ARHGAP21: variants seen among roughly 807,000 people sequenced by gnomAD.
ARHGAP21 encodes rho GTPase-activating protein 21.
In ARHGAP21, 38 loss-of-function variants were observed where a neutral mutation model predicts 164.6. That is an observed-to-expected ratio of 0.23 (90% confidence interval 0.18 to 0.30). ARHGAP21 has a LOEUF of 0.30. Among genes scored for constraint, ARHGAP21 ranks in the 10% least tolerant of loss-of-function variants. The pLI, the probability that ARHGAP21 is intolerant of heterozygous loss-of-function variation, is 1.00. For synonymous variants in ARHGAP21, 766 were observed against 857.9 expected (o/e 0.89, Z 1.87); for missense variants, 1,822 against 2,370.7 (o/e 0.77, Z 4.81).
intron 4 of ARHGAP21, among the ~76,000 whole-genome samples, chr10:24,662,978 T>TTC (rs397755820): frequency 6.6e-6 from 1 of 151,278 alleles, no homozygotes; most frequent in Non-Finnish European, 1.5e-5. Flanking sequence ...TTTTTTTTTT[T>TTC]CAGTAAAAAT....
chr10:24,709,426 G>A (rs1844554296), intron 2 of ARHGAP21, among the ~76,000 whole-genome samples: 1 of 152,126 alleles, frequency 6.6e-6, no homozygotes, highest in Admixed American at 6.6e-5. Context: ...TATGAGGCCA[G>A]TATCACCCTG....
intron 14 of ARHGAP21, among the ~76,000 whole-genome samples, chr10:24,600,376 A>C (rs868509553): frequency 5.9e-5 from 9 of 152,266 alleles, no homozygotes; most frequent in Middle Eastern, 6.8e-3. Flanking sequence ...TTGGTCACAA[A>C]CAACCAGGAC....
At chr10:24,674,460 G>A (rs1241242280) in intron 2 of ARHGAP21, among the ~76,000 whole-genome samples, 1 of 152,188 alleles carries the variant, frequency 6.6e-6, no homozygotes, top group African/African-American at 2.4e-5. Context: ...GGCGGAGGTT[G>A]CAGCAAGCCG....
intron 4 of ARHGAP21, among the ~76,000 whole-genome samples, chr10:24,663,319 C>T (rs574501865): frequency 6.6e-6 from 1 of 152,242 alleles, no homozygotes; most frequent in African/African-American, 2.4e-5. Flanking sequence ...CAATTCAGAT[C>T]TCAAGTTCAG....
chr10:24,681,273 A>G (rs974067578), intron 2 of ARHGAP21, among the ~76,000 whole-genome samples: 1 of 152,200 alleles, frequency 6.6e-6, no homozygotes, highest in Non-Finnish European at 1.5e-5. Flanking sequence ...CAATGGATGG[A>G]TCTTATAGTT....
In ARHGAP21 at chr10:24,602,071, A is replaced by G; in HGVS notation, c.2754T>C (p.Ser918=). The change falls in exon 13 of 26, where the codon TCT becomes TCC. Residue 918 remains serine, a synonymous_variant. Coordinates refer to ENST00000396432, the MANE Select transcript of ARHGAP21 (RefSeq NM_020824.4). The stretch of plus-strand genomic sequence containing the variant: ...CTGAGGAAGAATCTTTTCTGGACCC[A>G]GAGTCTTCTGATGACTTTTGGCTGT... ...IADSQKSSED[S]GSRKDSSSEV... 1.9e-6 allele frequency: 3 copies of G among 1,613,480 alleles called. No homozygotes were observed. The highest frequency in any genetic ancestry group is 2.5e-6 in the Non-Finnish European group (3 of 1,179,898).
At chr10:24,591,124 A>AAAAAATCATAAGTAAC (rs1453585475) in intron 24 of ARHGAP21, 101 bp downstream of exon 24, 4 of 1,131,900 alleles carry the variant, frequency 3.5e-6, no homozygotes, top group Non-Finnish European at 5.0e-6. Flanking sequence ...GAGAAAAAGA[A>AAAAAATCATAAGTAAC]AAAAATCATA....
At chr10:24,617,743 G>A (rs189035061) in intron 9 of ARHGAP21, among the ~76,000 whole-genome samples, 4 of 151,934 alleles carry the variant, frequency 2.6e-5, no homozygotes, top group Non-Finnish European at 5.9e-5. Flanking sequence ...AAATGTTTCC[G>A]TAGAAAAGAA....
chr10:24,635,173 G>C lies in ARHGAP21; in HGVS notation c.269-70C>G. On this transcript the variant is annotated intron_variant, in intron 4 of 25. Transcript: ENST00000396432. ...TACTAAAATACCTAAATATAAAATAGTATTTGAGAGAATTAAGCAAAGCTT... is the reference window on the plus strand; with the variant it reads ...TACTAAAATACCTAAATATAAAATACTATTTGAGAGAATTAAGCAAAGCTT... 4 of 955,242 alleles carry C rather than the reference G, an allele frequency of 4.2e-6. No homozygotes were observed. The Admixed American group carries it at 1.1e-4, about 26-fold the overall frequency. The allele number at this position is 955,242 out of a possible 1,614,324, so 59.2% of individuals were successfully genotyped here. A position where few individuals can be genotyped will look rare whatever the true frequency, so the allele number is the denominator to read the frequency against.
chr10:24,635,157 A>G, intron 4 of ARHGAP21, 54 bp from the exon 5 acceptor site: 1 of 1,126,888 alleles, frequency 8.9e-7, no homozygotes, highest in Middle Eastern at 2.5e-4. Flanking sequence ...TTACTAAAAT[A>G]CCTAAATATA....
chr10:24,628,889 A>T (rs1329990008), intron 7 of ARHGAP21: 1 of 105,154 alleles, frequency 9.5e-6, no homozygotes, highest in African/African-American at 3.6e-5. Flanking sequence ...ATACACATAT[A>T]TATACATACA....
At chr10:24,679,796 TA>T (rs749077403) in intron 2 of ARHGAP21, among the ~76,000 whole-genome samples, 28 of 152,234 alleles carry the variant, frequency 1.8e-4, no homozygotes, top group Admixed American at 1.1e-3. Context: ...AGATTTAATC[TA>T]AATATTTTAA....
At chr10:24,681,604 A>G (rs1841760535) in intron 2 of ARHGAP21, among the ~76,000 whole-genome samples, 1 of 152,116 alleles carries the variant, frequency 6.6e-6, no homozygotes, top group Non-Finnish European at 1.5e-5. Flanking sequence ...TAAGATTACA[A>G]GCCTAACTCC....
chr10:24,632,014 C>A (rs1282198960), intron 6 of ARHGAP21, among the ~76,000 whole-genome samples: 1 of 152,184 alleles, frequency 6.6e-6, no homozygotes, highest in African/African-American at 2.4e-5. Context: ...AGCCACTGCA[C>A]CCAGCCCACA....
chr10:24,670,200 G>A lies in ARHGAP21; in HGVS notation c.243+18C>T, dbSNP rs376555474. Reference sequence around the variant, plus strand: ...CCTTGTGGTTTTTTTTTCAAGTTGCGGTAACTATTTCTCTTACCTTATATG... The same window carrying A: ...CCTTGTGGTTTTTTTTTCAAGTTGCAGTAACTATTTCTCTTACCTTATATG... On this transcript the variant is annotated intron_variant, in intron 3 of 25. Coordinates refer to ENST00000396432, the MANE Select transcript of ARHGAP21 (RefSeq NM_020824.4). 84 of 1,515,084 alleles carry A rather than the reference G, an allele frequency of 5.5e-5. No individual in the cohort carries two copies. The East Asian group carries it at 5.9e-4, about 11-fold the overall frequency. The allele number at this position is 1,515,084 out of a possible 1,614,324, so 93.9% of individuals were successfully genotyped here.
chr10:24,690,094 A>C (rs917071913), intron 2 of ARHGAP21, among the ~76,000 whole-genome samples: 4 of 152,054 alleles, frequency 2.6e-5, no homozygotes, highest in Admixed American at 6.6e-5. Context: ...TAAAGACTAC[A>C]TGGTATTTCA....
intron 13 of ARHGAP21, among the ~76,000 whole-genome samples, chr10:24,601,685 A>G (rs1286525782): frequency 1.3e-5 from 2 of 152,212 alleles, no homozygotes; most frequent in East Asian, 3.8e-4. Context: ...TAATAAACTA[A>G]TAAGAAAAGC....
intron 6 of ARHGAP21, among the ~76,000 whole-genome samples, chr10:24,632,281 T>C (rs73606528): frequency 0.013 from 1,968 of 152,330 alleles, 39 homozygotes; most frequent in African/African-American, 0.044. Flanking sequence ...AGAAGAGATA[T>C]TAACAAATAC....
intron 1 of ARHGAP21, chr10:24,723,198 G>A (rs1439651207): frequency 6.6e-6 from 1 of 150,928 alleles, no homozygotes; most frequent in Non-Finnish European, 1.5e-5. Context: ...GCGCGGCGGC[G>A]AGCTGAAGCG....
Sources: gnomAD v4.1 joint callset for allele counts (sites outside exome capture counted in the v4.1 genomes callset) on GRCh38, gnomAD v4.1.1 for gene constraint, MANE v1.5 for transcripts, NCBI Gene and HGNC (gene_info 2026-07-23, HGNC 2026-07-21) for gene names.